The following ELAC2 variants were observed in gnomAD, a reference collection of about 807,000 sequenced individuals.
ELAC2 encodes zinc phosphodiesterase ELAC protein 2.
A neutral mutation model predicts 105.2 loss-of-function variants in ELAC2; 92 were observed. That is an observed-to-expected ratio of 0.87 (90% CI 0.74 to 1.04). The LOEUF is 1.04. Ranked by LOEUF, ELAC2 falls within the 50% of genes least tolerant of loss-of-function variation. ELAC2 has a pLI of 0.00. For synonymous variants in ELAC2, 468 were observed against 409.1 expected, an observed-to-expected ratio of 1.14 and a Z score of -1.74; for missense variants, 1,099 against 1,071.7, an observed-to-expected ratio of 1.03 and a Z score of -0.36.
chr17:12,995,512 A>G (rs576240617), intron 19 of ELAC2, among the ~76,000 whole-genome samples, 191 bp downstream of exon 19: 3 of 152,270 alleles, frequency 2.0e-5, no homozygotes, highest in African/African-American at 7.2e-5. Flanking sequence ...GAAAATAAGC[A>G]TTACATGGGA....
rs1567771310 is a variant in ELAC2, at chr17:13,013,287, C to T, written c.491-12G>A. The T allele has an allele frequency of 5.6e-6, 9 of 1,611,328 alleles. No homozygotes were observed. The highest frequency in any genetic ancestry group is 7.6e-6 in the Non-Finnish European group (9 of 1,177,876). On this transcript the variant is annotated splice_polypyrimidine_tract_variant and intron_variant, in intron 5 of 23. Transcript: ENST00000338034. ...GTGGGGCCGCACAGCTACAAGAAAA[C>T]CACACAACAGCAAAGTGATTGCATT... is the stretch of plus-strand genomic sequence containing the variant.
chr17:12,994,528 G>A, intron 21 of ELAC2, 25 bp from the exon 22 acceptor site: 1 of 1,613,986 alleles, frequency 6.2e-7, no homozygotes, highest in Middle Eastern at 1.7e-4. Context: ...CAAGGATCAG[G>A]GCAGAGTTCT....
chr17:13,015,225 C>G (rs1019703367), intron 4 of ELAC2, among the ~76,000 whole-genome samples: 1 of 152,168 alleles, frequency 6.6e-6, no homozygotes, highest in African/African-American at 2.4e-5. Flanking sequence ...GCATAGAAAA[C>G]AGAAATAAGG....
At chr17:13,005,635 G>A (rs756892961) in intron 10 of ELAC2, 118 bp downstream of exon 10, 1 of 1,021,456 alleles carries the variant, frequency 9.8e-7, no homozygotes. Flanking sequence ...GCTGAGTGAT[G>A]TCCAAACTGT....
intron 5 of ELAC2, 88 bp from the exon 6 acceptor site, chr17:13,013,363 T>A: frequency 7.3e-7 from 1 of 1,375,820 alleles, no homozygotes; most frequent in Non-Finnish European, 1.0e-6. Context: ...CACGAGCAAC[T>A]GAATTGCCTC....
intron 15 of ELAC2, among the ~76,000 whole-genome samples, chr17:12,999,760 G>A (rs139836422): frequency 0.018 from 2,671 of 152,130 alleles, 73 homozygotes; most frequent in East Asian, 0.12. Context: ...CCGGGTTCTC[G>A]CCATTCTCCT....
intron 22 of ELAC2, among the ~76,000 whole-genome samples, 164 bp downstream of exon 22, chr17:12,994,261 A>G (rs1389301193): frequency 3.9e-5 from 6 of 152,198 alleles, no homozygotes; most frequent in Admixed American, 3.9e-4. Context: ...GCAAAAATAA[A>G]GGCCAAGAGC....
At position 12,992,764 on chromosome 17, in the gene ELAC2, G is replaced by A. The variant is rs1025638975; in HGVS notation, c.*54C>T. 30 of 1,599,452 alleles carry A rather than the reference G, an allele frequency of 1.9e-5. No individual in the cohort carries two copies. In the African/African-American group the frequency reaches 3.1e-4, roughly 16 times the overall value. Reference sequence around the variant, plus strand: ...ACCAGCAAGGAGGGCAGATACGGGTGCGTGCGTGGGGCAGAAGACACACAG... The same window carrying A: ...ACCAGCAAGGAGGGCAGATACGGGTACGTGCGTGGGGCAGAAGACACACAG... On this transcript the variant is annotated 3_prime_UTR_variant, in exon 24 of 24. Coordinates refer to ENST00000338034, the MANE Select transcript of ELAC2 (RefSeq NM_018127.7).
At chr17:13,002,934 G>A (rs2143609308) in intron 12 of ELAC2, among the ~76,000 whole-genome samples, 2 of 152,276 alleles carry the variant, frequency 1.3e-5, no homozygotes, top group South Asian at 4.1e-4. Context: ...GGAGATACGG[G>A]CAGGGGCCAA....
chr17:13,000,331 A>C, intron 14 of ELAC2, 57 bp from the exon 15 acceptor site: 1 of 1,482,142 alleles, frequency 6.7e-7, no homozygotes, highest in Non-Finnish European at 9.4e-7. Flanking sequence ...GCCTCAGCAG[A>C]CCCCATTGGG....
intron 17 of ELAC2, 147 bp from the exon 18 acceptor site, chr17:12,996,125 C>T (rs561987531): frequency 8.0e-5 from 70 of 879,080 alleles, no homozygotes; most frequent in Non-Finnish European, 1.2e-4. Context: ...TGGCACAGGC[C>T]GAGCCCCCTG....
chr17:13,017,092 T>C lies in ELAC2; in HGVS notation c.275A>G (p.Gln92Arg), dbSNP rs1446771602. 1.2e-6 allele frequency: 2 copies of C among 1,614,108 alleles called. No homozygotes were observed. Among genetic ancestry groups the C allele is most frequent in the South Asian group, 1.1e-5 (1 of 91,076 alleles). Reference protein sequence around the residue: ...RYLFNCGEGVQRLMQEHKLKV... With the variant: ...RYLFNCGEGVRRLMQEHKLKV... ...TCACTTGTGCTCCTGCATGAGTCTC[T>C]GAACGCCTTCTCCACAGTTGAAGAG... The change falls in exon 2 of 24, where the codon CAG (glutamine) becomes CGG (arginine). Residue 92 changes from glutamine to arginine, a missense_variant. Coordinates refer to ENST00000338034, the MANE Select transcript of ELAC2 (RefSeq NM_018127.7).
chr17:12,994,898 G>A lies in ELAC2; in HGVS notation c.1909-14C>T, dbSNP rs1474338532. On this transcript the variant is annotated splice_polypyrimidine_tract_variant and intron_variant, in intron 20 of 23. Transcript: ENST00000338034. ...ACAGGTCTGAAACTGAAAGGGTGGG[G>A]CTGGAGGGCTCTGCAGCTCTGCTCC... The A allele has an allele frequency of 1.2e-6, 2 of 1,613,996 alleles. No homozygotes were observed. The highest frequency in any genetic ancestry group is 2.7e-5 in the African/African-American group (2 of 74,920).
chr17:12,992,329 A>G lies in ELAC2; in HGVS notation c.*489T>C, dbSNP rs1462466724. 1 of 260,476 alleles carries G rather than the reference A, an allele frequency of 3.8e-6. No individual in the cohort carries two copies. Among genetic ancestry groups the G allele is most frequent in the Non-Finnish European group, 7.5e-6 (1 of 134,116 alleles). 16.1% of individuals were successfully genotyped at this position (260,476 alleles called of 1,614,324 possible). On this transcript the variant is annotated 3_prime_UTR_variant, in exon 24 of 24. Coordinates refer to ENST00000338034, the MANE Select transcript of ELAC2 (RefSeq NM_018127.7). ...CACTACAGCACAGAGAGCCTTCTCC[A>G]AGGTGGTGCACAGCAGACCCTGCTC...
At position 13,005,840 on chromosome 17, in the gene ELAC2, C is replaced by CA; in HGVS notation, c.798-16dup. On this transcript the variant is annotated splice_polypyrimidine_tract_variant and intron_variant, in intron 9 of 23. Coordinates refer to ENST00000338034, the MANE Select transcript of ELAC2 (RefSeq NM_018127.7). ...CAGCTGTCCCACTGAAATGAAGAGG[C>CA]AAGGCCTCTGTGAAATGTGATTTCC... 1 of 1,614,158 alleles carries CA rather than the reference C, an allele frequency of 6.2e-7. No homozygotes were observed. The highest frequency in any genetic ancestry group is 8.5e-7 in the Non-Finnish European group (1 of 1,180,034).
At chr17:13,017,033 T>C (rs1431073796) in intron 2 of ELAC2, 38 bp downstream of exon 2, 4 of 1,613,560 alleles carry the variant, frequency 2.5e-6, no homozygotes, top group Non-Finnish European at 3.4e-6. Flanking sequence ...TCAAGCCCCG[T>C]AATCAACTCC....
intron 23 of ELAC2, 128 bp downstream of exon 23, chr17:12,993,559 G>C: frequency 1.4e-6 from 2 of 1,403,862 alleles, no homozygotes; most frequent in African/African-American, 1.4e-5. Flanking sequence ...GTTAGTGATG[G>C]GTAGATAACC....
intron 13 of ELAC2, 31 bp downstream of exon 13, chr17:13,002,410 G>A: frequency 3.7e-6 from 6 of 1,613,986 alleles, no homozygotes; most frequent in Non-Finnish European, 5.1e-6. Context: ...GACGAGAGCT[G>A]GGCCGACAAG....
intron 1 of ELAC2, chr17:13,017,336 G>A (rs1487277659): frequency 1.6e-6 from 1 of 640,630 alleles, no homozygotes; most frequent in East Asian, 2.7e-5. Context: ...TGGGTGCTAG[G>A]ACAAAATGAG....
Sources: allele counts gnomAD v4.1 joint callset (sites outside exome capture counted in the v4.1 genomes callset), GRCh38; gene constraint gnomAD v4.1.1; transcripts MANE v1.5; gene names NCBI Gene and HGNC (gene_info 2026-07-23, HGNC 2026-07-21).